Variants in BMPR1B observed in about 807,000 individuals in gnomAD.
The protein encoded by BMPR1B is bone morphogenetic protein receptor type-1B.
A neutral mutation model predicts 59.1 loss-of-function variants in BMPR1B; 12 were observed. That is an observed-to-expected ratio of 0.20 (90% CI 0.13 to 0.33). BMPR1B has a LOEUF of 0.33. Ranked by LOEUF, BMPR1B falls within the 10% of genes least tolerant of loss-of-function variation. The pLI is 1.00. For synonymous variants in BMPR1B, 237 were observed against 207.3 expected, an observed-to-expected ratio of 1.14 and a Z score of -1.23; for missense variants, 550 against 610.9, an observed-to-expected ratio of 0.90 and a Z score of 1.05.
chr4:94,878,655 C>A (rs1339297915), intron 2 of BMPR1B, among the ~76,000 whole-genome samples: 7 of 151,328 alleles, frequency 4.6e-5, no homozygotes, highest in Non-Finnish European at 1.0e-4. Context: ...CCATTTTGGT[C>A]TTGTCTGGTA....
intron 3 of BMPR1B, among the ~76,000 whole-genome samples, chr4:95,098,276 A>G (rs1730574571): frequency 6.6e-6 from 1 of 152,104 alleles, no homozygotes; most frequent in African/African-American, 2.4e-5. Flanking sequence ...GCAAATTCAT[A>G]TTTTCATAAA....
intron 8 of BMPR1B, among the ~76,000 whole-genome samples, chr4:95,129,019 C>A (rs759443903): frequency 6.7e-6 from 1 of 148,434 alleles, no homozygotes; most frequent in Admixed American, 6.9e-5. Flanking sequence ...CTTTATTTCC[C>A]TGTGAGCCCA....
intron 10 of BMPR1B, among the ~76,000 whole-genome samples, chr4:95,135,848 C>G (rs7441644): frequency 0.1 from 15,796 of 152,088 alleles, 2,020 homozygotes; most frequent in African/African-American, 0.3. Flanking sequence ...ATTGAATACC[C>G]TTTATTTCTT....
intron 10 of BMPR1B, 74 bp downstream of exon 10, chr4:95,131,586 C>G (rs933566304): frequency 2.0e-6 from 3 of 1,519,118 alleles, no homozygotes; most frequent in Non-Finnish European, 2.7e-6. Context: ...CGCAGTGCTT[C>G]TAGGATATTT....
At chr4:95,046,753 C>T (rs1050998188) in intron 3 of BMPR1B, among the ~76,000 whole-genome samples, 53 of 152,292 alleles carry the variant, frequency 3.5e-4, no homozygotes, top group African/African-American at 1.3e-3. Flanking sequence ...TTAATCTTCT[C>T]TCAGAACTTT....
chr4:94,956,338 T>C (rs1730140088), intron 2 of BMPR1B, among the ~76,000 whole-genome samples: 1 of 152,120 alleles, frequency 6.6e-6, no homozygotes, highest in Non-Finnish European at 1.5e-5. Context: ...CCAAAGCACA[T>C]GTTTCTTTTT....
chr4:94,962,075 C>CTTTT (rs1560569133), intron 2 of BMPR1B, among the ~76,000 whole-genome samples: 17 of 31,456 alleles, frequency 5.4e-4, no homozygotes, highest in African/African-American at 1.3e-3. Flanking sequence ...TCTTTTCTTT[C>CTTTT]CTTCCTTCCT....
chr4:94,842,437 A>G (rs1264029640), intron 1 of BMPR1B, among the ~76,000 whole-genome samples: 1 of 152,188 alleles, frequency 6.6e-6, no homozygotes, highest in Admixed American at 6.5e-5. Context: ...CATGGTTTTC[A>G]TAAAATATTT....
At chr4:94,793,470 A>G (rs995549912) in intron 1 of BMPR1B, among the ~76,000 whole-genome samples, 10 of 151,308 alleles carry the variant, frequency 6.6e-5, no homozygotes, top group East Asian at 2.0e-4. Flanking sequence ...TAATGCCGCA[A>G]TAAACATACG....
chr4:95,014,252 T>TAA (rs1422564110), intron 3 of BMPR1B, among the ~76,000 whole-genome samples: 2 of 152,212 alleles, frequency 1.3e-5, no homozygotes, highest in Admixed American at 1.3e-4. Flanking sequence ...GCCGTTAATA[T>TAA]AAATATTTGT....
chr4:95,040,590 T>C lies in BMPR1B; in HGVS notation c.-18+44456T>C, dbSNP rs374878098. On this transcript the variant is annotated intron_variant, in intron 3 of 12. Coordinates refer to ENST00000515059, the MANE Select transcript of BMPR1B (RefSeq NM_001203.3). ...AATTTGGTAAAGAAGAAAATGTCCTTAGAATCTCTTTCAAATAGAGCTTCT... is the reference window on the plus strand; with the variant it reads ...AATTTGGTAAAGAAGAAAATGTCCTCAGAATCTCTTTCAAATAGAGCTTCT... 2.6e-4 allele frequency among the ~76,000 whole-genome samples: 40 copies of C among 152,324 alleles called. No homozygotes were observed. The South Asian group carries it at 7.5e-3, about 28-fold the overall frequency.
chr4:94,791,527 C>G (rs1039965883), intron 1 of BMPR1B, among the ~76,000 whole-genome samples: 4 of 152,122 alleles, frequency 2.6e-5, no homozygotes, highest in African/African-American at 9.7e-5. Flanking sequence ...TAAAAATATT[C>G]TAATCACTTG....
At chr4:94,949,239 C>T (rs1729834501) in intron 2 of BMPR1B, among the ~76,000 whole-genome samples, 1 of 151,694 alleles carries the variant, frequency 6.6e-6, no homozygotes, top group African/African-American at 2.4e-5. Context: ...TTTTCTGTCC[C>T]TGTGTTAGTT....
intron 6 of BMPR1B, among the ~76,000 whole-genome samples, chr4:95,117,986 C>T (rs1198976607): frequency 1.3e-5 from 2 of 152,030 alleles, no homozygotes; most frequent in Admixed American, 6.6e-5. Flanking sequence ...TGGTCCAGGG[C>T]AGTGTGGAGA....
At chr4:95,137,166 T>C (rs1269985525) in intron 10 of BMPR1B, among the ~76,000 whole-genome samples, 1 of 152,252 alleles carries the variant, frequency 6.6e-6, no homozygotes, top group African/African-American at 2.4e-5. Context: ...CATTTCGTTA[T>C]GTACCCAGTA....
At chr4:94,862,723 A>T (rs887536320) in intron 1 of BMPR1B, among the ~76,000 whole-genome samples, 1 of 151,696 alleles carries the variant, frequency 6.6e-6, no homozygotes, top group African/African-American at 2.4e-5. Flanking sequence ...AGACGGGTGG[A>T]TCATGAGGTC....
At chr4:95,013,417 A>G (rs985386945) in intron 3 of BMPR1B, among the ~76,000 whole-genome samples, 4 of 152,176 alleles carry the variant, frequency 2.6e-5, no homozygotes, top group African/African-American at 9.6e-5. Flanking sequence ...TAAAGGACCC[A>G]CATGAATAGG....
chr4:94,802,997 T>TG (rs1723467509), intron 1 of BMPR1B, among the ~76,000 whole-genome samples: 1 of 152,164 alleles, frequency 6.6e-6, no homozygotes, highest in Non-Finnish European at 1.5e-5. Flanking sequence ...CCCTTCTCTC[T>TG]GGGGCATCGT....
At chr4:94,983,255 A>G (rs1465154068) in intron 2 of BMPR1B, among the ~76,000 whole-genome samples, 1 of 151,746 alleles carries the variant, frequency 6.6e-6, no homozygotes, top group African/African-American at 2.4e-5. Flanking sequence ...TTTTTTCCCT[A>G]TTTGTTATTA....
Sources: allele counts gnomAD v4.1 joint callset (sites outside exome capture counted in the v4.1 genomes callset), GRCh38; gene constraint gnomAD v4.1.1; transcripts MANE v1.5; gene names NCBI Gene and HGNC (gene_info 2026-07-23, HGNC 2026-07-21).